Variants in NLGN1 observed in about 807,000 individuals in gnomAD.
NLGN1 encodes the protein neuroligin-1.
Under a neutral mutation model 65.5 loss-of-function variants are expected in NLGN1, and 12 were observed. The ratio of observed to expected loss-of-function variants is 0.18; its 90% CI spans 0.12 to 0.30. The LOEUF is 0.30. NLGN1 is among the 10% of genes least tolerant of loss of function. The probability of loss-of-function intolerance (pLI) is 1.00; values close to 1 mark genes in which losing one functional copy is unlikely to be tolerated. For synonymous variants in NLGN1, 350 were observed against 359.5 expected (o/e 0.97, Z 0.30); for missense variants, 750 against 1,007.1 (o/e 0.74, Z 3.46).
At chr3:173,652,034 T>C (rs1179353319) in intron 3 of NLGN1, among the ~76,000 whole-genome samples, 1 of 152,186 alleles carries the variant, frequency 6.6e-6, no homozygotes, top group Non-Finnish European at 1.5e-5. Flanking sequence ...CATCAAGTAA[T>C]CTGCCTGCCT....
chr3:173,961,389 A>T (rs1355091464), intron 4 of NLGN1, among the ~76,000 whole-genome samples: 1 of 152,100 alleles, frequency 6.6e-6, no homozygotes, highest in Admixed American at 6.5e-5. Flanking sequence ...TTTACTTCCA[A>T]TTTTACTAAT....
At chr3:174,142,335 A>G (rs538277655) in intron 4 of NLGN1, among the ~76,000 whole-genome samples, 2 of 152,280 alleles carry the variant, frequency 1.3e-5, no homozygotes, top group African/African-American at 4.8e-5. Context: ...ATTGGCATTT[A>G]GTTTGCTTCC....
intron 4 of NLGN1, among the ~76,000 whole-genome samples, chr3:174,067,754 CT>C (rs1738950493): frequency 6.6e-6 from 1 of 152,064 alleles, no homozygotes; most frequent in Non-Finnish European, 1.5e-5. Flanking sequence ...CTTAGATATC[CT>C]TTAAAAATGG....
rs540719679 is a variant in NLGN1, at chr3:173,671,329, G to A, written c.493+66238G>A. 1.1e-3 allele frequency among the ~76,000 whole-genome samples: 168 copies of A among 152,118 alleles called. 2 individuals are homozygous for A. Among genetic ancestry groups the A allele is most frequent in the Admixed American group, 3.2e-3 (49 of 15,262 alleles). On this transcript the variant is annotated intron_variant, in intron 3 of 6. Transcript: ENST00000457714. Reference sequence around the variant, plus strand: ...AGTCTGGGCAAAATGGCGAAACCCCGCCTCTACATGAAATATAAAAAATTA... The same window carrying A: ...AGTCTGGGCAAAATGGCGAAACCCCACCTCTACATGAAATATAAAAAATTA...
intron 4 of NLGN1, among the ~76,000 whole-genome samples, chr3:173,936,410 A>G (rs1313195252): frequency 6.6e-6 from 1 of 152,046 alleles, no homozygotes; most frequent in Non-Finnish European, 1.5e-5. Flanking sequence ...GTCAATAAAC[A>G]CTACAAGAAG....
At chr3:173,453,236 T>C (rs1287426812) in intron 2 of NLGN1, among the ~76,000 whole-genome samples, 2 of 151,982 alleles carry the variant, frequency 1.3e-5, no homozygotes, top group African/African-American at 4.8e-5. Context: ...TACAGGTGTA[T>C]ACCAATACAC....
At chr3:173,457,783 A>C (rs1722740090) in intron 2 of NLGN1, among the ~76,000 whole-genome samples, 1 of 152,132 alleles carries the variant, frequency 6.6e-6, no homozygotes, top group African/African-American at 2.4e-5. Context: ...GGAGATGATG[A>C]AAAAGAAAAG....
intron 4 of NLGN1, among the ~76,000 whole-genome samples, chr3:174,060,130 T>G (rs1370130131): frequency 6.6e-6 from 1 of 152,168 alleles, no homozygotes; most frequent in Non-Finnish European, 1.5e-5. Flanking sequence ...TACATGGTAC[T>G]TATTTTATGG....
intron 4 of NLGN1, among the ~76,000 whole-genome samples, chr3:174,236,486 T>C (rs1741737822): frequency 6.6e-6 from 1 of 152,058 alleles, no homozygotes; most frequent in Non-Finnish European, 1.5e-5. Context: ...GACAACTATT[T>C]TCATTGTAGA....
chr3:174,152,027 G>A (rs1378645163), intron 4 of NLGN1, among the ~76,000 whole-genome samples: 1 of 152,088 alleles, frequency 6.6e-6, no homozygotes, highest in East Asian at 1.9e-4. Flanking sequence ...TTGCGTATCT[G>A]TTCTAATATC....
chr3:173,458,738 T>A (rs965924822), intron 2 of NLGN1, among the ~76,000 whole-genome samples: 1 of 152,126 alleles, frequency 6.6e-6, no homozygotes, highest in Non-Finnish European at 1.5e-5. Context: ...GGATTTATTT[T>A]TCTATTAAGA....
At chr3:173,493,757 G>C (rs73038193) in intron 2 of NLGN1, among the ~76,000 whole-genome samples, 4,783 of 151,774 alleles carry the variant, frequency 0.032, 344 homozygotes, top group African/African-American at 0.11. Context: ...CAAGAATTTA[G>C]ATAGTCAACA....
chr3:174,108,215 G>A (rs973193376), intron 4 of NLGN1, among the ~76,000 whole-genome samples: 1 of 151,806 alleles, frequency 6.6e-6, no homozygotes, highest in African/African-American at 2.4e-5. Flanking sequence ...AACTATTTGT[G>A]TAACTTATCC....
intron 4 of NLGN1, among the ~76,000 whole-genome samples, chr3:174,203,000 A>T (rs1173755911): frequency 6.6e-6 from 1 of 152,074 alleles, no homozygotes; most frequent in Admixed American, 6.6e-5. Flanking sequence ...TTATTCATTC[A>T]TTCATTTACT....
chr3:174,143,761 T>A (rs1367659753), intron 4 of NLGN1, among the ~76,000 whole-genome samples: 1 of 152,168 alleles, frequency 6.6e-6, no homozygotes, highest in Non-Finnish European at 1.5e-5. Flanking sequence ...GACACAAGTT[T>A]AGGATTGGTT....
intron 4 of NLGN1, among the ~76,000 whole-genome samples, chr3:173,822,130 G>A (rs1285109241): frequency 6.6e-6 from 1 of 152,128 alleles, no homozygotes; most frequent in East Asian, 1.9e-4. Flanking sequence ...GACTTTATAT[G>A]TTGGGGACAG....
intron 4 of NLGN1, among the ~76,000 whole-genome samples, chr3:173,974,866 T>C (rs1717070810): frequency 6.6e-6 from 1 of 152,088 alleles, no homozygotes; most frequent in African/African-American, 2.4e-5. Context: ...TGGATGAAAC[T>C]AGAAGTAAAG....
intron 2 of NLGN1, among the ~76,000 whole-genome samples, chr3:173,498,621 A>G (rs1474500261): frequency 6.6e-6 from 1 of 151,922 alleles, no homozygotes; most frequent in East Asian, 1.9e-4. Flanking sequence ...TCCCTGAGGA[A>G]TCACCACACT....
chr3:174,064,977 A>G (rs767786643), intron 4 of NLGN1, among the ~76,000 whole-genome samples: 9 of 151,566 alleles, frequency 5.9e-5, no homozygotes, highest in Non-Finnish European at 1.0e-4. Context: ...CTTAAAGAAA[A>G]CTGCATATTC....
Sources: gnomAD v4.1 joint callset for allele counts (sites outside exome capture counted in the v4.1 genomes callset) on GRCh38, gnomAD v4.1.1 for gene constraint, MANE v1.5 for transcripts, NCBI Gene and HGNC (gene_info 2026-07-23, HGNC 2026-07-21) for gene names.